Variants in MYO5B observed in about 807,000 individuals in gnomAD.
The protein encoded by MYO5B is myosin VB.
Under a neutral mutation model 229.3 loss-of-function variants are expected in MYO5B, and 143 were observed. That is an observed-to-expected ratio of 0.62 (90% CI 0.54 to 0.72). MYO5B has a LOEUF of 0.72. Among genes scored for constraint, MYO5B ranks in the 30% least tolerant of loss-of-function variants. The pLI, the probability that MYO5B is intolerant of heterozygous loss-of-function variation, is 0.00. For missense variants in MYO5B, 2,321 were observed against 2,331.0 expected, an observed-to-expected ratio of 1.00 and a Z score of 0.09; for synonymous variants, 918 against 885.2, an observed-to-expected ratio of 1.04 and a Z score of -0.66.
At chr18:50,165,262 C>T (rs1331433737) in intron 1 of MYO5B, among the ~76,000 whole-genome samples, 1 of 151,740 alleles carries the variant, frequency 6.6e-6, no homozygotes, top group Non-Finnish European at 1.5e-5. Flanking sequence ...GCAGGAGGAT[C>T]ACTTGAGTCC....
At chr18:50,147,886 C>T (rs2032530562) in intron 1 of MYO5B, among the ~76,000 whole-genome samples, 1 of 152,100 alleles carries the variant, frequency 6.6e-6, no homozygotes, top group South Asian at 2.1e-4. Context: ...AAACTGTTAC[C>T]AGCATTAGCG....
chr18:50,053,957 A>C (rs1330355968), intron 2 of MYO5B, among the ~76,000 whole-genome samples: 1 of 152,160 alleles, frequency 6.6e-6, no homozygotes, highest in Non-Finnish European at 1.5e-5. Context: ...GCCAACCCTT[A>C]ATTTGTTACC....
chr18:50,075,908 G>T (rs1363720492), intron 1 of MYO5B, among the ~76,000 whole-genome samples: 1 of 152,196 alleles, frequency 6.6e-6, no homozygotes. Context: ...ACCAGTAAAT[G>T]CACATCAGAG....
intron 1 of MYO5B, among the ~76,000 whole-genome samples, chr18:50,108,568 G>C (rs777132380): frequency 6.6e-6 from 1 of 152,138 alleles, no homozygotes; most frequent in Non-Finnish European, 1.5e-5. Context: ...AACAGGCCAA[G>C]TTCTCCAGGC....
chr18:50,041,088 T>G (rs555668235), intron 2 of MYO5B, among the ~76,000 whole-genome samples: 1 of 152,338 alleles, frequency 6.6e-6, no homozygotes, highest in African/African-American at 2.4e-5. Context: ...GGAACTTGGC[T>G]GCTGCTCACC....
Position 49,839,205 on chromosome 18 carries a change from A to G in MYO5B, c.4791T>C (p.Leu1597=), listed in dbSNP as rs767224726. The G allele has an allele frequency of 5.6e-6, 9 of 1,614,046 alleles. No individual in the cohort carries two copies. In the African/African-American group the frequency reaches 1.2e-4, roughly 22 times the overall value. ...TGAGCTGCTGGTAGATCTGAATGGA[A>G]AGGTCACTCAGCACCTGACGGTATT... ...LTEYRQVLSD[L]SIQIYQQLIK... The change falls in exon 36 of 40, where the codon CTT becomes CTC. Residue 1597 remains leucine (L), a synonymous_variant. Transcript: ENST00000285039.
At chr18:50,012,054 C>A (rs1372344106) in intron 4 of MYO5B, among the ~76,000 whole-genome samples, 1 of 152,192 alleles carries the variant, frequency 6.6e-6, no homozygotes, top group East Asian at 1.9e-4. Flanking sequence ...CCTGGCTGTA[C>A]ATTAAGAAGT....
At chr18:49,915,643 G>A (rs1316654778) in intron 17 of MYO5B, among the ~76,000 whole-genome samples, 1 of 152,218 alleles carries the variant, frequency 6.6e-6, no homozygotes, top group Non-Finnish European at 1.5e-5. Context: ...CTGACAGGAG[G>A]CTTTAACAAT....
At chr18:50,141,301 A>G (rs2144286631) in intron 1 of MYO5B, among the ~76,000 whole-genome samples, 1 of 152,348 alleles carries the variant, frequency 6.6e-6, no homozygotes, top group East Asian at 1.9e-4. Flanking sequence ...CTTTTCCTAG[A>G]AATCTCTGCA....
At chr18:50,043,266 T>A (rs1473569083) in intron 2 of MYO5B, among the ~76,000 whole-genome samples, 3 of 110,720 alleles carry the variant, frequency 2.7e-5, no homozygotes, top group African/African-American at 6.6e-5. Flanking sequence ...ATTCATATAT[T>A]TATAAATATA....
intron 4 of MYO5B, among the ~76,000 whole-genome samples, chr18:50,029,931 C>A (rs1021858489): frequency 3.3e-5 from 5 of 152,166 alleles, no homozygotes; most frequent in African/African-American, 1.2e-4. Flanking sequence ...ACCTGAGGCT[C>A]AATTAGGAAG....
intron 22 of MYO5B, among the ~76,000 whole-genome samples, chr18:49,890,527 C>T (rs184654524): frequency 2.6e-5 from 4 of 152,290 alleles, no homozygotes; most frequent in Non-Finnish European, 5.9e-5. Flanking sequence ...TAAGTAAATG[C>T]CCCAGCAACA....
chr18:49,907,425 C>T (rs2024911619), intron 18 of MYO5B, among the ~76,000 whole-genome samples: 1 of 152,190 alleles, frequency 6.6e-6, no homozygotes, highest in Non-Finnish European at 1.5e-5. Flanking sequence ...ATTAGTTGCC[C>T]TTCCCTGGGC....
At chr18:49,962,440 G>A in intron 11 of MYO5B, 34 bp from the exon 12 acceptor site, 1 of 1,613,952 alleles carries the variant, frequency 6.2e-7, no homozygotes, top group Non-Finnish European at 8.5e-7. Flanking sequence ...CGAGTGAACT[G>A]CAGGCACACC....
intron 4 of MYO5B, among the ~76,000 whole-genome samples, chr18:50,024,640 A>G (rs1326972773): frequency 6.6e-6 from 1 of 152,166 alleles, no homozygotes; most frequent in Non-Finnish European, 1.5e-5. Flanking sequence ...TCGATCTGTA[A>G]TAGGGGCAGG....
At chr18:49,933,126 G>A (rs2025212566) in intron 16 of MYO5B, among the ~76,000 whole-genome samples, 1 of 152,082 alleles carries the variant, frequency 6.6e-6, no homozygotes, top group Non-Finnish European at 1.5e-5. Flanking sequence ...TTTCTCCATG[G>A]GCTGCAAGCT....
At chr18:49,990,864 T>G (rs1180246630) in intron 6 of MYO5B, among the ~76,000 whole-genome samples, 2 of 152,162 alleles carry the variant, frequency 1.3e-5, no homozygotes, top group African/African-American at 2.4e-5. Context: ...TGATGTCCCA[T>G]GGATTGTCAG....
chr18:49,920,373 T>C (rs549397448), intron 17 of MYO5B, among the ~76,000 whole-genome samples: 3 of 152,304 alleles, frequency 2.0e-5, no homozygotes, highest in Admixed American at 6.5e-5. Context: ...AAGTAATACA[T>C]ACAAGTTTTC....
chr18:50,134,228 A>AT (rs2032299206), intron 1 of MYO5B, among the ~76,000 whole-genome samples: 1 of 152,190 alleles, frequency 6.6e-6, no homozygotes, highest in Admixed American at 6.5e-5. Flanking sequence ...ACAGAGGCAC[A>AT]TAAAAACAAG....
Sources: gnomAD v4.1 joint callset for allele counts (sites outside exome capture counted in the v4.1 genomes callset) on GRCh38, gnomAD v4.1.1 for gene constraint, MANE v1.5 for transcripts, NCBI Gene and HGNC (gene_info 2026-07-23, HGNC 2026-07-21) for gene names.